The following PITPNM2 variants were observed in gnomAD, a reference collection of about 807,000 sequenced individuals.
PITPNM2 encodes the protein phosphatidylinositol transfer protein membrane associated 2, also known as membrane-associated phosphatidylinositol transfer protein 2.
In PITPNM2, 35 loss-of-function variants were observed where a neutral mutation model predicts 132.2. The observed-to-expected ratio is 0.26, with a 90% CI of 0.20 to 0.35. The LOEUF (loss-of-function observed/expected upper bound fraction) is 0.35, where lower values mean the gene tolerates loss of function less well. Among genes scored for constraint, PITPNM2 ranks in the 10% least tolerant of loss-of-function variants. The pLI is 1.00. For missense variants in PITPNM2, 1,332 were observed against 1,912.0 expected, an observed-to-expected ratio of 0.70 and a Z score of 5.66; for synonymous variants, 738 against 799.2, an observed-to-expected ratio of 0.92 and a Z score of 1.29.
chr12:123,039,757 T>C (rs941348271), intron 2 of PITPNM2, among the ~76,000 whole-genome samples: 3 of 152,130 alleles, frequency 2.0e-5, no homozygotes, highest in Non-Finnish European at 2.9e-5. Flanking sequence ...CAGGGCACAT[T>C]GATGTGTGAT....
rs79050529 is a variant in PITPNM2, at chr12:123,084,935, C to A, written c.-96+25450G>T. On this transcript the variant is annotated intron_variant, in intron 2 of 25. Coordinates refer to ENST00000320201, the MANE Select transcript of PITPNM2 (RefSeq NM_020845.3). ...ATCTAAGAAGCACCATCCCACACAC[C>A]CCCCTCCCCCATCAAGGGTCAGCTC... 2.2e-3 allele frequency among the ~76,000 whole-genome samples: 337 copies of A among 152,158 alleles called. 6 individuals are homozygous for A. The East Asian group carries it at 0.057, about 26-fold the overall frequency.
intron 2 of PITPNM2, among the ~76,000 whole-genome samples, chr12:123,079,620 T>C (rs2041897251): frequency 6.6e-6 from 1 of 152,160 alleles, no homozygotes. Context: ...GTGCTGAGAT[T>C]ACAGGCATGA....
At position 123,021,582 on chromosome 12, in the gene PITPNM2, C is replaced by T. The variant is rs1015046498; in HGVS notation, c.79-7540G>A. On this transcript the variant is annotated intron_variant, in intron 3 of 25. Coordinates refer to ENST00000320201, the MANE Select transcript of PITPNM2 (RefSeq NM_020845.3). ...AAGCCTCTGTGCTCAGCCTGGGAATCACAGTTTCTAAATCAAGCCCCACTG... is the reference window on the plus strand; with the variant it reads ...AAGCCTCTGTGCTCAGCCTGGGAATTACAGTTTCTAAATCAAGCCCCACTG... The T allele has an allele frequency of 6.0e-6, 5 of 834,322 alleles. No homozygotes were observed. In the African/African-American group the frequency reaches 9.3e-5, roughly 15 times the overall value. The allele number at this position is 834,322 out of a possible 1,614,324, so 51.7% of individuals were successfully genotyped here. A position where few individuals can be genotyped will look rare whatever the true frequency, so the allele number is the denominator to read the frequency against.
intron 2 of PITPNM2, among the ~76,000 whole-genome samples, chr12:123,093,876 G>A (rs2137140132): frequency 6.6e-6 from 1 of 152,360 alleles, no homozygotes; most frequent in East Asian, 1.9e-4. Context: ...CAGGAGGCCT[G>A]GGCCAGAGCC....
chr12:123,122,148 C>T (rs1390362421), intron 1 of PITPNM2, among the ~76,000 whole-genome samples: 2 of 152,138 alleles, frequency 1.3e-5, no homozygotes, highest in Non-Finnish European at 2.9e-5. Flanking sequence ...GCCCCCAGCT[C>T]CCTGGGGAAT....
intron 2 of PITPNM2, among the ~76,000 whole-genome samples, chr12:123,080,696 T>C (rs1180028265): frequency 6.6e-6 from 1 of 152,178 alleles, no homozygotes; most frequent in African/African-American, 2.4e-5. Flanking sequence ...CCCACACCCA[T>C]GCTTTGAGAT....
intron 2 of PITPNM2, among the ~76,000 whole-genome samples, chr12:123,047,288 C>T (rs1281545884): frequency 6.6e-6 from 1 of 152,184 alleles, no homozygotes; most frequent in Non-Finnish European, 1.5e-5. Flanking sequence ...GTAGGAAGTA[C>T]AAACCTTCTG....
chr12:123,082,943 C>T lies in PITPNM2; in HGVS notation c.-96+27442G>A, dbSNP rs2042008030. On this transcript the variant is annotated intron_variant, in intron 2 of 25. Coordinates refer to ENST00000320201, the MANE Select transcript of PITPNM2 (RefSeq NM_020845.3). The surrounding 1 kb of genome is among the most constrained non-coding windows in gnomAD (Gnocchi z 5.4). ...CTGTGCATTTGACAACTCTAGGGAC[C>T]TCATCATATAATCATGGTAAGTGGA... 1 of 152,300 alleles carries T rather than the reference C, an allele frequency of 6.6e-6. No individual in the cohort carries two copies. The highest frequency in any genetic ancestry group is 1.5e-5 in the Non-Finnish European group (1 of 68,100). 9.4% of individuals were successfully genotyped at this position (152,300 alleles called of 1,614,324 possible).
rs1402550944 is a variant in PITPNM2, at chr12:122,995,384, C to T, written c.2054+5G>A. The T allele has an allele frequency of 6.3e-7, 1 of 1,583,192 alleles. No individual in the cohort carries two copies. The highest frequency in any genetic ancestry group is 1.7e-5 in the Admixed American group (1 of 58,808). On this transcript the variant is annotated splice_donor_5th_base_variant and intron_variant, in intron 14 of 25. Transcript: ENST00000320201. ...GGCAAGCCCCAGCCCCCCAGCCCTGCCCACCTGGACAGGAAGGCCTGGTGC... is the reference window on the plus strand; with the variant it reads ...GGCAAGCCCCAGCCCCCCAGCCCTGTCCACCTGGACAGGAAGGCCTGGTGC...
rs546340269 is a variant in PITPNM2, at chr12:123,150,353, G to A, written c.-200+400C>T. On this transcript the variant is annotated intron_variant, in intron 1 of 25. Transcript: ENST00000320201. This position sits in a 1 kb window ranked among gnomAD's most constrained non-coding sequence, Gnocchi z 6.0. Reference sequence around the variant, plus strand: ...GGGAAGCAGAGAAGGCGGGCCGGGGGCTCACCTCCGCTTCCTCCCGATAGC... The same window carrying A: ...GGGAAGCAGAGAAGGCGGGCCGGGGACTCACCTCCGCTTCCTCCCGATAGC... Among the ~76,000 whole-genome samples, 76 of 149,236 alleles carry A rather than the reference G, an allele frequency of 5.1e-4. No homozygotes were observed. The highest frequency in any genetic ancestry group is 9.5e-4 in the Non-Finnish European group (64 of 67,086).
chr12:122,995,675 T>C lies in PITPNM2; in HGVS notation c.1783-15A>G. Reference sequence around the variant, plus strand: ...AGGTCATTGTCCTGGAACGGCCCCGTGGAGGCTCACTGCCAGGTGGCCGCT... The same window carrying C: ...AGGTCATTGTCCTGGAACGGCCCCGCGGAGGCTCACTGCCAGGTGGCCGCT... On this transcript the variant is annotated splice_polypyrimidine_tract_variant and intron_variant, in intron 13 of 25. Coordinates refer to ENST00000320201, the MANE Select transcript of PITPNM2 (RefSeq NM_020845.3). 1 of 1,572,242 alleles carries C rather than the reference T, an allele frequency of 6.4e-7. No individual in the cohort carries two copies. Among genetic ancestry groups the C allele is most frequent in the Non-Finnish European group, 8.6e-7 (1 of 1,162,348 alleles).
intron 2 of PITPNM2, among the ~76,000 whole-genome samples, chr12:123,085,154 G>A (rs1263736017): frequency 6.6e-6 from 1 of 152,214 alleles, no homozygotes; most frequent in South Asian, 2.1e-4. Context: ...CCTTGATTTC[G>A]AGGGGCACCT....
intron 3 of PITPNM2, among the ~76,000 whole-genome samples, chr12:123,018,081 C>T (rs1181523367): frequency 2.3e-5 from 3 of 129,118 alleles, no homozygotes; most frequent in Non-Finnish European, 4.8e-5. Context: ...CTCTCTCTTT[C>T]TCTTTCTCTC....
chr12:123,030,047 C>G (rs1194338301), intron 3 of PITPNM2, among the ~76,000 whole-genome samples: 1 of 117,064 alleles, frequency 8.5e-6, no homozygotes, highest in Non-Finnish European at 2.0e-5. Flanking sequence ...TGACAGGAAA[C>G]TGCGAGGATT....
intron 2 of PITPNM2, chr12:123,090,529 AT>A (rs35309518): frequency 0.012 from 1,692 of 144,158 alleles, 18 homozygotes; most frequent in African/African-American, 0.03. Context: ...ACCTGGCTAA[AT>A]TTTTTTTTTT....
chr12:123,115,218 A>G (rs1291178453), intron 1 of PITPNM2, among the ~76,000 whole-genome samples: 2 of 151,892 alleles, frequency 1.3e-5, no homozygotes, highest in African/African-American at 4.8e-5. Flanking sequence ...TTATTTTATG[A>G]CCCTACTCCC....
At chr12:122,999,455 C>T (rs1322068665) in intron 10 of PITPNM2, among the ~76,000 whole-genome samples, 2 of 152,114 alleles carry the variant, frequency 1.3e-5, no homozygotes, top group African/African-American at 4.8e-5. Context: ...TCCAGTGAGG[C>T]GAAGGGCTTA....
rs549452922 is a variant in PITPNM2, at chr12:123,009,784, G to A, written c.643+66C>T. On this transcript the variant is annotated intron_variant, in intron 6 of 25. Coordinates refer to ENST00000320201, the MANE Select transcript of PITPNM2 (RefSeq NM_020845.3). This position sits in a 1 kb window ranked among gnomAD's most constrained non-coding sequence, Gnocchi z 4.8. ...ACATGCAAAGAGAGGAGGCAGACAGGCAGGTGACAGGAGACAGAGGGGTTG... is the reference window on the plus strand; with the variant it reads ...ACATGCAAAGAGAGGAGGCAGACAGACAGGTGACAGGAGACAGAGGGGTTG... The A allele has an allele frequency of 3.5e-5, 49 of 1,414,082 alleles. No individual in the cohort carries two copies. In the South Asian group the frequency reaches 5.7e-4, roughly 16 times the overall value. 87.6% of individuals were successfully genotyped at this position (1,414,082 alleles called of 1,614,324 possible). A position where few individuals can be genotyped will look rare whatever the true frequency, so the allele number is the denominator to read the frequency against.
At chr12:122,988,168 C>A (rs2038019228) in intron 20 of PITPNM2, 66 bp downstream of exon 20, 2 of 1,382,482 alleles carry the variant, frequency 1.4e-6, no homozygotes, top group African/African-American at 2.8e-5. Flanking sequence ...TCAGTTTCCT[C>A]ATCTGGACAC....
Sources: gnomAD v4.1 joint callset for allele counts (sites outside exome capture counted in the v4.1 genomes callset) on GRCh38, gnomAD v4.1.1 for gene constraint, Gnocchi (gnomAD v3.1) non-coding constraint, MANE v1.5 for transcripts, NCBI Gene and HGNC (gene_info 2026-07-23, HGNC 2026-07-21) for gene names.